FAM135A: variants seen among roughly 807,000 people sequenced by gnomAD.
FAM135A encodes the protein family with sequence similarity 135 member A.
FAM135A carries 79 observed loss-of-function variants against 146.8 expected under a neutral mutation model. That is an observed-to-expected ratio of 0.54 (90% CI 0.45 to 0.65). The LOEUF is 0.65. Among genes scored for constraint, FAM135A ranks in the 30% least tolerant of loss-of-function variants. FAM135A has a pLI of 0.00. For missense variants in FAM135A, 1,623 were observed against 1,758.2 expected, an observed-to-expected ratio of 0.92 and a Z score of 1.38; for synonymous variants, 562 against 603.6, an observed-to-expected ratio of 0.93 and a Z score of 1.01.
At chr6:70,455,498 G>A (rs897098585) in intron 5 of FAM135A, among the ~76,000 whole-genome samples, 8 of 151,414 alleles carry the variant, frequency 5.3e-5, no homozygotes, top group South Asian at 4.2e-4. Flanking sequence ...TTTATTCTTC[G>A]CTTGGCATAC....
intron 19 of FAM135A, 55 bp downstream of exon 19, chr6:70,536,466 A>G (rs1796813238): frequency 1.5e-6 from 2 of 1,357,044 alleles, no homozygotes; most frequent in Non-Finnish European, 1.9e-6. Context: ...AAAAATATGA[A>G]CTTAGTATTT....
intron 13 of FAM135A, among the ~76,000 whole-genome samples, chr6:70,523,727 A>T (rs549396719): frequency 6.6e-6 from 1 of 152,290 alleles, no homozygotes; most frequent in South Asian, 2.1e-4. Flanking sequence ...GAAGAATATA[A>T]TGGGAATTAC....
chr6:70,493,942 A>G (rs1786626387), intron 11 of FAM135A, among the ~76,000 whole-genome samples: 1 of 151,418 alleles, frequency 6.6e-6, no homozygotes, highest in African/African-American at 2.4e-5. Flanking sequence ...AATCCCAGCT[A>G]CTTGGGAGGC....
chr6:70,527,906 C>A (rs1233469138), intron 15 of FAM135A, among the ~76,000 whole-genome samples: 1 of 152,042 alleles, frequency 6.6e-6, no homozygotes, highest in Admixed American at 6.6e-5. Context: ...TAAAAAGGAG[C>A]AAAGGGGATA....
intron 10 of FAM135A, among the ~76,000 whole-genome samples, chr6:70,488,475 C>A (rs1327816582): frequency 6.7e-6 from 1 of 149,816 alleles, no homozygotes; most frequent in Non-Finnish European, 1.5e-5. Context: ...GCCCCCCCCC[C>A]CAGAAATATA....
In FAM135A at chr6:70,528,385, T is replaced by C. The variant is rs1795130116; in HGVS notation, c.3708T>C (p.Phe1236=). 2 of 1,613,602 alleles carry C rather than the reference T, an allele frequency of 1.2e-6. No individual in the cohort carries two copies. The highest frequency in any genetic ancestry group is 1.7e-6 in the Non-Finnish European group (2 of 1,179,798). Residue 1236 remains phenylalanine (F), a synonymous_variant, in exon 16 of 22, where the codon TTT becomes TTC. Coordinates refer to ENST00000418814, the MANE Select transcript of FAM135A (RefSeq NM_001162529.3). ...TGCTGGCATCCTCAGTACCTTATTT[T>C]AGTGTAGAAGAAGAGGATGGTTCTG... The part of the protein sequence containing the change: ...VPLLASSVPY[F]SVEEEDGSED...
chr6:70,464,566 C>T (rs73476886), intron 5 of FAM135A, among the ~76,000 whole-genome samples: 6,978 of 151,908 alleles, frequency 0.046, 352 homozygotes, highest in African/African-American at 0.11. Context: ...TTCCCAGACC[C>T]TTCAGTTTGA....
intron 16 of FAM135A, 88 bp downstream of exon 16, chr6:70,528,540 T>A: frequency 8.3e-7 from 1 of 1,210,512 alleles, no homozygotes; most frequent in African/African-American, 1.5e-5. Flanking sequence ...GTCTTTGAAC[T>A]AAAAAAAGAT....
intron 20 of FAM135A, among the ~76,000 whole-genome samples, chr6:70,539,839 C>CA (rs1377098577): frequency 3.3e-5 from 5 of 151,590 alleles, no homozygotes; most frequent in African/African-American, 7.3e-5. Context: ...ACTAAAAATA[C>CA]AAAAAAATTA....
chr6:70,502,209 A>C (rs753913913), intron 11 of FAM135A, among the ~76,000 whole-genome samples: 5 of 152,220 alleles, frequency 3.3e-5, no homozygotes. Context: ...TAGATATTTT[A>C]AGTATTTTTT....
At chr6:70,522,019 C>T (rs529076486) in intron 12 of FAM135A, among the ~76,000 whole-genome samples, 220 of 152,246 alleles carry the variant, frequency 1.4e-3, no homozygotes, top group African/African-American at 4.7e-3. Flanking sequence ...TGGGTTCAGG[C>T]GATTCTCCTG....
At chr6:70,414,062 C>G (rs931876100) in intron 1 of FAM135A, 1 of 985,350 alleles carries the variant, frequency 1.0e-6, no homozygotes, top group Non-Finnish European at 1.2e-6. Context: ...CCCTCCTTTA[C>G]CCGCTTTCGT....
At chr6:70,495,126 A>T (rs1202422919) in intron 11 of FAM135A, among the ~76,000 whole-genome samples, 1 of 152,178 alleles carries the variant, frequency 6.6e-6, no homozygotes, top group Non-Finnish European at 1.5e-5. Context: ...CACAGCAGGA[A>T]ATTCATCATA....
intron 20 of FAM135A, among the ~76,000 whole-genome samples, chr6:70,544,117 A>G (rs1798412265): frequency 6.6e-6 from 1 of 152,040 alleles, no homozygotes; most frequent in African/African-American, 2.4e-5. Flanking sequence ...GTAAAAAAAA[A>G]AAAATGAATA....
At chr6:70,461,747 G>A (rs1410463526) in intron 5 of FAM135A, among the ~76,000 whole-genome samples, 1 of 152,112 alleles carries the variant, frequency 6.6e-6, no homozygotes, top group Non-Finnish European at 1.5e-5. Flanking sequence ...TTCTTATAAA[G>A]CTAGCTTCCT....
intron 12 of FAM135A, among the ~76,000 whole-genome samples, chr6:70,516,965 CATT>C (rs1302362976): frequency 6.6e-6 from 1 of 152,092 alleles, no homozygotes; most frequent in East Asian, 1.9e-4. Flanking sequence ...TTACTCAAAA[CATT>C]ATGAAGTTTG....
At chr6:70,452,915 A>G (rs1480578742) in intron 5 of FAM135A, among the ~76,000 whole-genome samples, 1 of 152,212 alleles carries the variant, frequency 6.6e-6, no homozygotes, top group Non-Finnish European at 1.5e-5. Flanking sequence ...GTTTTATGAT[A>G]AAGTTTTATG....
At chr6:70,448,447 G>A (rs1266316219) in intron 4 of FAM135A, among the ~76,000 whole-genome samples, 1 of 152,104 alleles carries the variant, frequency 6.6e-6, no homozygotes, top group East Asian at 1.9e-4. Flanking sequence ...CCACGGGGTT[G>A]GCTTTAAGAG....
intron 12 of FAM135A, among the ~76,000 whole-genome samples, chr6:70,506,787 CAG>C (rs1466314436): frequency 1.4e-5 from 2 of 144,604 alleles, no homozygotes; most frequent in African/African-American, 5.1e-5. Context: ...CGCAAGCAGA[CAG>C]GGTATTTTTT....
Sources: allele counts gnomAD v4.1 joint callset (sites outside exome capture counted in the v4.1 genomes callset), GRCh38; gene constraint gnomAD v4.1.1; transcripts MANE v1.5; gene names NCBI Gene and HGNC (gene_info 2026-07-23, HGNC 2026-07-21).